Variants in KDM4A observed in about 807,000 individuals in gnomAD.
KDM4A encodes the protein lysine demethylase 4A, also known as lysine-specific demethylase 4A.
Under a neutral mutation model 127.1 loss-of-function variants are expected in KDM4A, and 23 were observed. The ratio of observed to expected loss-of-function variants is 0.18; its 90% confidence interval spans 0.13 to 0.26. The LOEUF is 0.26. Ranked by LOEUF, KDM4A falls within the 10% of genes least tolerant of loss-of-function variation. The pLI, the probability that KDM4A is intolerant of heterozygous loss-of-function variation, is 1.00. For synonymous variants in KDM4A, 443 were observed against 466.5 expected, an observed-to-expected ratio of 0.95 and a Z score of 0.65; for missense variants, 890 against 1,329.1, an observed-to-expected ratio of 0.67 and a Z score of 5.14.
Position 43,690,681 on chromosome 1 carries a change from T to C in KDM4A, c.2038-164T>C, listed in dbSNP as rs1003537427. The C allele has an allele frequency of 1.6e-5, 11 of 707,094 alleles. No individual in the cohort carries two copies. In the African/African-American group the frequency reaches 1.9e-4, roughly 12 times the overall value. The allele number at this position is 707,094 out of a possible 1,614,324, so 43.8% of individuals were successfully genotyped here. A position where few individuals can be genotyped will look rare whatever the true frequency, so the allele number is the denominator to read the frequency against. On this transcript the variant is annotated intron_variant, in intron 13 of 21. Coordinates refer to ENST00000372396, the MANE Select transcript of KDM4A (RefSeq NM_014663.3). ...CTGTGAGAAACTGAATTTGAGTCAT[T>C]ACAGGTAACTTCAATTAGCAGCTCC...
chr1:43,653,114 A>G, intron 1 of KDM4A, 23 bp from the exon 2 acceptor site: 1 of 1,285,714 alleles, frequency 7.8e-7, no homozygotes, highest in East Asian at 2.5e-5. Context: ...ATATTATTTT[A>G]TACTCTTAAT....
At chr1:43,663,135 G>A (rs1660422704) in intron 5 of KDM4A, 48 bp downstream of exon 5, 1 of 1,532,888 alleles carries the variant, frequency 6.5e-7, no homozygotes, top group Non-Finnish European at 8.9e-7. Context: ...TAGAGCACGG[G>A]CTCATGTTCA....
At chr1:43,697,080 GA>G (rs1661257597) in intron 18 of KDM4A, among the ~76,000 whole-genome samples, 1 of 152,242 alleles carries the variant, frequency 6.6e-6, no homozygotes, top group Non-Finnish European at 1.5e-5. Flanking sequence ...TTGACACTGG[GA>G]TGGGAGTCAG....
chr1:43,665,258 T>C (rs1215026201), intron 5 of KDM4A, among the ~76,000 whole-genome samples: 1 of 152,144 alleles, frequency 6.6e-6, no homozygotes, highest in Non-Finnish European at 1.5e-5. Context: ...GTCAGATCCA[T>C]CTTTCACTTT....
chr1:43,674,210 C>T (rs758248452), intron 11 of KDM4A, among the ~76,000 whole-genome samples: 1 of 152,044 alleles, frequency 6.6e-6, no homozygotes, highest in African/African-American at 2.4e-5. Context: ...CCCAAAGTGC[C>T]GTGATTTCAG....
rs978533262 is a variant in KDM4A, at chr1:43,660,306, C to T, written c.323C>T (p.Thr108Ile). The T allele has an allele frequency of 1.9e-6, 3 of 1,613,874 alleles. No individual in the cohort carries two copies. The highest frequency in any genetic ancestry group is 1.7e-5 in the Admixed American group (1 of 59,986). ...RKIANSDKYC[T>I]PRYSEFEELE... The stretch of plus-strand genomic sequence containing the variant: ...TTTTTACTTTCAAAAAGGTACTGTA[C>T]CCCACGCTATAGTGAGTTTGAAGAG... Residue 108 changes from threonine to isoleucine, a missense_variant, in exon 4 of 22, where the codon ACC (threonine) becomes ATC (isoleucine). Physicochemically the swap from Thr to Ile is moderately conservative, Grantham distance 89 (BLOSUM62 -1). Coordinates refer to ENST00000372396, the MANE Select transcript of KDM4A (RefSeq NM_014663.3).
At chr1:43,652,028 A>C (rs1660124713) in intron 1 of KDM4A, among the ~76,000 whole-genome samples, 2 of 152,240 alleles carry the variant, frequency 1.3e-5, no homozygotes, top group African/African-American at 4.8e-5. Context: ...AAGGGCTTTT[A>C]AATCATGTTA....
In KDM4A at chr1:43,660,286, AC is replaced by A; in HGVS notation, c.315-11del. The A allele has an allele frequency of 6.4e-7, 1 of 1,566,880 alleles. No homozygotes were observed. Among genetic ancestry groups the A allele is most frequent in the Non-Finnish European group, 8.6e-7 (1 of 1,168,072 alleles). The stretch of plus-strand genomic sequence containing the variant: ...GTAAGTGGTTTACATGTTTCTTTTT[AC>A]TTTCAAAAAGGTACTGTACCCCACG... On this transcript the variant is annotated splice_polypyrimidine_tract_variant and intron_variant, in intron 3 of 21. Coordinates refer to ENST00000372396, the MANE Select transcript of KDM4A (RefSeq NM_014663.3).
At chr1:43,702,732 T>G (rs1158361441) in intron 19 of KDM4A, 2 of 152,136 alleles carry the variant, frequency 1.3e-5, no homozygotes. Context: ...ATCTTTCCTG[T>G]TAAGAACATA....
chr1:43,650,457 G>C lies in KDM4A; in HGVS notation c.-40+205G>C, dbSNP rs1371464501. On this transcript the variant is annotated intron_variant, in intron 1 of 21. Coordinates refer to ENST00000372396, the MANE Select transcript of KDM4A (RefSeq NM_014663.3). The stretch of plus-strand genomic sequence containing the variant: ...TCAAGGCCAATGGACCTCGGGAGAG[G>C]GGGGCGGGTCATCTGGGCCTTATTT... The C allele has an allele frequency of 9.9e-5, 15 of 152,266 alleles. No homozygotes were observed. The East Asian group carries it at 1.9e-3, about 20-fold the overall frequency. The allele number at this position is 152,266 out of a possible 1,614,324, so 9.4% of individuals were successfully genotyped here. A position where few individuals can be genotyped will look rare whatever the true frequency, so the allele number is the denominator to read the frequency against.
rs368647897 is a variant in KDM4A at position 43,688,932 on chromosome 1, C to T, written c.1874C>T (p.Thr625Ile). 35 of 1,614,134 alleles carry T rather than the reference C, an allele frequency of 2.2e-5. No homozygotes were observed. The highest frequency in any genetic ancestry group is 3.0e-5 in the Non-Finnish European group (35 of 1,180,022). ...CCTCTAGAGACATCTGAACAGCTGA[C>T]CCCTGAGGAAGAGGCTGAGGAGACA... ...VSDDETSEQL[T>I]PEEEAEETEA... is the part of the protein sequence containing the mutation. The change falls in exon 13 of 22, where the codon ACC (threonine) becomes ATC (isoleucine). Residue 625 changes from threonine to isoleucine, a missense_variant. By Grantham distance (89) the Thr-to-Ile change is moderately conservative. This residue lies in a region of KDM4A where 389 missense variants were observed against 485.9 expected (regional missense o/e 0.80). Coordinates refer to ENST00000372396, the MANE Select transcript of KDM4A (RefSeq NM_014663.3). The surrounding 1 kb of genome is among the most constrained non-coding windows in gnomAD (Gnocchi z 4.4).
At position 43,690,851 on chromosome 1, in the gene KDM4A, T is replaced by G. The variant is rs755082680; in HGVS notation, c.2044T>G (p.Phe682Val). ...MIFQTYHQVE[F>V]GGFNQNCGNA... Reference sequence around the variant, plus strand: ...ACTTGTTCTTTCCCCTTAGGTTGAATTTGGAGGCTTTAATCAGAACTGTGG... The same window carrying G: ...ACTTGTTCTTTCCCCTTAGGTTGAAGTTGGAGGCTTTAATCAGAACTGTGG... Residue 682 changes from phenylalanine (F) to valine (V), a missense_variant, in exon 14 of 22, where the codon TTT becomes GTT. Phe to Val is a conservative substitution (Grantham distance 50). Transcript: ENST00000372396. 3 of 1,614,208 alleles carry G rather than the reference T, an allele frequency of 1.9e-6. No individual in the cohort carries two copies. In the Admixed American group the frequency reaches 5.0e-5, roughly 27 times the overall value.
intron 11 of KDM4A, among the ~76,000 whole-genome samples, chr1:43,676,926 G>A (rs1254749906): frequency 6.6e-6 from 1 of 152,040 alleles, no homozygotes; most frequent in Admixed American, 6.6e-5. Flanking sequence ...TCAAACACTA[G>A]GTCTTATTTC....
rs142425673 is a variant in KDM4A at position 43,671,567 on chromosome 1, G to A, written c.1426G>A (p.Asp476Asn). Residue 476 changes from aspartate to asparagine, a missense_variant, in exon 11 of 22, where the codon GAT (aspartate) becomes AAT (asparagine). By Grantham distance (23) the Asp-to-Asn change is conservative. Around this residue, in one of 7 missense-constraint regions of KDM4A, gnomAD observed 389 missense variants for 485.9 expected, o/e 0.80. Coordinates refer to ENST00000372396, the MANE Select transcript of KDM4A (RefSeq NM_014663.3). ...TAAAAATGTCAAACTAGAAGAGGAG[G>A]ATGAGGAGGAAGAACAAGCAGCAGC... The part of the protein sequence containing the change: ...ELKNVKLEEE[D>N]EEEEQAAAAL... 3 of 1,606,572 alleles carry A rather than the reference G, an allele frequency of 1.9e-6. No individual in the cohort carries two copies. The highest frequency in any genetic ancestry group is 1.7e-6 in the Non-Finnish European group (2 of 1,177,168).
Position 43,694,468 on chromosome 1 carries a change from A to G in KDM4A, c.2485-241A>G, listed in dbSNP as rs1331181264. Among the ~76,000 whole-genome samples, 1 of 149,172 alleles carries G rather than the reference A, an allele frequency of 6.7e-6. No homozygotes were observed. Among genetic ancestry groups the G allele is most frequent in the Non-Finnish European group, 1.5e-5 (1 of 67,600 alleles). On this transcript the variant is annotated intron_variant, in intron 17 of 21. Transcript: ENST00000372396. The surrounding 1 kb of genome is among the most constrained non-coding windows in gnomAD (Gnocchi z 5.2). The stretch of plus-strand genomic sequence containing the variant: ...GAGGCGGAGGTTGCAGTGAGCCGAT[A>G]TTGTGTCACTGCACTCCAGCCTGGG...
chr1:43,694,852 G>A lies in KDM4A; in HGVS notation c.2628G>A (p.Val876=). The change falls in exon 18 of 22, where the codon GTG becomes GTA. Residue 876 remains valine, a synonymous_variant. Coordinates refer to ENST00000372396, the MANE Select transcript of KDM4A (RefSeq NM_014663.3). This position sits in a 1 kb window ranked among gnomAD's most constrained non-coding sequence, Gnocchi z 5.2. The part of the protein sequence containing the change: ...VMMQPDDWPF[V]VFITCFRHKI... ...TGCAGCCTGACGACTGGCCTTTTGT[G>A]GTCTTCATTACCTGCTTTCGGCACA... 1.9e-6 allele frequency: 3 copies of A among 1,611,724 alleles called. No individual in the cohort carries two copies. Among genetic ancestry groups the A allele is most frequent in the Non-Finnish European group, 2.5e-6 (3 of 1,177,998 alleles).
chr1:43,680,124 G>C (rs1044435963), intron 11 of KDM4A, among the ~76,000 whole-genome samples: 1 of 152,180 alleles, frequency 6.6e-6, no homozygotes, highest in African/African-American at 2.4e-5. Context: ...ATGGTAGCAG[G>C]AGGAGTACTG....
intron 6 of KDM4A, 159 bp from the exon 7 acceptor site, chr1:43,666,293 G>A: frequency 1.6e-6 from 1 of 618,944 alleles, no homozygotes; most frequent in Non-Finnish European, 2.8e-6. Flanking sequence ...GCTCATTGCA[G>A]AATCTTAGAA....
In KDM4A at chr1:43,697,873, G is replaced by A. The variant is rs1661280712; in HGVS notation, c.2701G>A (p.Ala901Thr). 5 of 1,613,720 alleles carry A rather than the reference G, an allele frequency of 3.1e-6. No homozygotes were observed. The highest frequency in any genetic ancestry group is 4.2e-6 in the Non-Finnish European group (5 of 1,179,952). Residue 901 changes from alanine (A) to threonine (T), a missense_variant, in exon 19 of 22, where the codon GCA (alanine) becomes ACA (threonine). Ala to Thr is a moderately conservative substitution (Grantham distance 58). Coordinates refer to ENST00000372396, the MANE Select transcript of KDM4A (RefSeq NM_014663.3). ...CAAGGGGGCCTTGCAAAGCATCACTGCAGGCCAGAAAGTCATTAGCAAGCA... is the reference window on the plus strand; with the variant it reads ...CAAGGGGGCCTTGCAAAGCATCACTACAGGCCAGAAAGTCATTAGCAAGCA... ...RAKGALQSIT[A>T]GQKVISKHKN...
Sources: gnomAD v4.1 joint callset for allele counts (sites outside exome capture counted in the v4.1 genomes callset) on GRCh38, gnomAD v4.1.1 for gene constraint, gnomAD v4.1.1 regional missense constraint, Gnocchi (gnomAD v3.1) non-coding constraint, MANE v1.5 for transcripts, NCBI Gene and HGNC (gene_info 2026-07-23, HGNC 2026-07-21) for gene names.